The following IL1RAPL1 variants were observed in gnomAD, a reference collection of about 807,000 sequenced individuals.
The protein encoded by IL1RAPL1 is interleukin-1 receptor accessory protein-like 1.
A neutral mutation model predicts 48.4 loss-of-function variants in IL1RAPL1; 3 were observed. The ratio of observed to expected loss-of-function variants is 0.06; its 90% CI spans 0.03 to 0.16. The LOEUF (loss-of-function observed/expected upper bound fraction) is 0.16. IL1RAPL1 is among the 10% of genes least tolerant of loss of function. IL1RAPL1 has a pLI of 1.00. For missense variants in IL1RAPL1, 349 were observed against 530.6 expected (o/e 0.66, Z 3.36); for synonymous variants, 185 against 187.7 (o/e 0.99, Z 0.12).
chrX:29,361,134 C>A lies in IL1RAPL1; in HGVS notation c.363-35124C>A, dbSNP rs1209451703. 2.7e-5 allele frequency among the ~76,000 whole-genome samples: 3 copies of A among 111,759 alleles called. No individual in the cohort carries two copies. In the Admixed American group the frequency reaches 2.9e-4, roughly 11 times the overall value. ...AAACCTAGCCAACCACAGCTGACAT[C>A]CTCACTGAAGGTTAGCTGGTGTTGA... On this transcript the variant is annotated intron_variant, in intron 3 of 10. Transcript: ENST00000378993.
chrX:29,845,257 G>A (rs778588373), intron 6 of IL1RAPL1, among the ~76,000 whole-genome samples: 1 of 111,496 alleles, frequency 9.0e-6, no homozygotes, highest in South Asian at 3.8e-4. Flanking sequence ...AGTATAGGCA[G>A]AAGACACAAT....
At chrX:28,867,401 G>C (rs771381927) in intron 2 of IL1RAPL1, among the ~76,000 whole-genome samples, 2 of 111,869 alleles carry the variant, frequency 1.8e-5, no homozygotes, top group South Asian at 7.5e-4. Flanking sequence ...TATTGAGCCA[G>C]GCGGCAGAAG....
intron 6 of IL1RAPL1, among the ~76,000 whole-genome samples, chrX:29,841,570 G>A (rs1263901173): frequency 2.7e-5 from 3 of 111,585 alleles, no homozygotes; most frequent in Non-Finnish European, 5.6e-5. Flanking sequence ...CAACTATTTA[G>A]TTTATAGTCA....
intron 6 of IL1RAPL1, among the ~76,000 whole-genome samples, chrX:29,737,602 C>T (rs1002720700): frequency 3.6e-5 from 4 of 112,178 alleles, no homozygotes; most frequent in African/African-American, 1.3e-4. Flanking sequence ...TACACTTCTA[C>T]TTTGTTTTTA....
rs941391843 is a variant in IL1RAPL1 at position 29,229,398 on chromosome X, A to T, written c.83-53540A>T. On this transcript the variant is annotated intron_variant, in intron 2 of 10. Transcript: ENST00000378993. ...TGGTCTTAACCCATTCTGTATGATA[A>T]TTTTTAAAAAAAAAAAACTCTCTAA... 3.6e-5 allele frequency among the ~76,000 whole-genome samples: 4 copies of T among 110,488 alleles called. 1 individual carries two copies. The highest frequency in any genetic ancestry group is 1.3e-4 in the African/African-American group (4 of 30,139).
intron 5 of IL1RAPL1, among the ~76,000 whole-genome samples, chrX:29,490,783 A>G (rs1358748567): frequency 1.9e-5 from 2 of 106,392 alleles, no homozygotes; most frequent in Non-Finnish European, 3.8e-5. Flanking sequence ...ACACACACTC[A>G]TCGCTATGTA....
chrX:29,771,435 T>C (rs1256674737), intron 6 of IL1RAPL1, among the ~76,000 whole-genome samples: 1 of 112,181 alleles, frequency 8.9e-6, no homozygotes, highest in African/African-American at 3.2e-5. Flanking sequence ...GAATTTTTGG[T>C]AGGGCTTCTC....
chrX:29,179,721 AT>A (rs1162659713), intron 2 of IL1RAPL1, among the ~76,000 whole-genome samples: 1 of 111,285 alleles, frequency 9.0e-6, no homozygotes, highest in East Asian at 2.8e-4. Context: ...GTGACTTTTA[AT>A]TTTTTTGTAC....
At chrX:29,126,853 T>A (rs745697558) in intron 2 of IL1RAPL1, among the ~76,000 whole-genome samples, 3 of 112,096 alleles carry the variant, frequency 2.7e-5, no homozygotes, top group Non-Finnish European at 5.6e-5. Flanking sequence ...ATTTCTCACA[T>A]GAAATAGGCA....
At chrX:29,732,284 C>T (rs955640497) in intron 6 of IL1RAPL1, among the ~76,000 whole-genome samples, 2 of 111,668 alleles carry the variant, frequency 1.8e-5, no homozygotes, top group Non-Finnish European at 3.8e-5. Flanking sequence ...CTTCACTTGG[C>T]ACTGTACCCC....
intron 6 of IL1RAPL1, among the ~76,000 whole-genome samples, chrX:29,835,970 A>T: frequency 1.1e-5 from 1 of 90,945 alleles, no homozygotes; most frequent in African/African-American, 4.2e-5. Flanking sequence ...CATTTCATGG[A>T]TCTTTTGTAT....
intron 6 of IL1RAPL1, among the ~76,000 whole-genome samples, chrX:29,762,332 A>T (rs1431574612): frequency 8.9e-6 from 1 of 111,861 alleles, no homozygotes; most frequent in African/African-American, 3.2e-5. Flanking sequence ...TTGGTATTTT[A>T]TAAAAGGGAG....
intron 3 of IL1RAPL1, among the ~76,000 whole-genome samples, chrX:29,351,873 T>C: frequency 9.0e-6 from 1 of 111,609 alleles, no homozygotes; most frequent in East Asian, 2.8e-4. Context: ...CATTACCCAT[T>C]TGTCATAGCT....
chrX:28,742,758 T>C (rs1935925867), intron 1 of IL1RAPL1, among the ~76,000 whole-genome samples: 1 of 112,020 alleles, frequency 8.9e-6, no homozygotes, highest in South Asian at 3.7e-4. Context: ...CTTCTATAGA[T>C]GCCAAATCAC....
chrX:29,930,397 A>G (rs1246728944), intron 8 of IL1RAPL1, among the ~76,000 whole-genome samples: 1 of 111,834 alleles, frequency 8.9e-6, no homozygotes. Context: ...TCCATTCCAA[A>G]CTGTCCAGAA....
At chrX:29,527,662 C>G (rs1282667082) in intron 5 of IL1RAPL1, among the ~76,000 whole-genome samples, 1 of 110,384 alleles carries the variant, frequency 9.1e-6, no homozygotes, top group Non-Finnish European at 1.9e-5. Flanking sequence ...AATTCAAATG[C>G]CACAAATAAA....
chrX:29,314,046 C>T (rs1359848489), intron 3 of IL1RAPL1, among the ~76,000 whole-genome samples: 1 of 111,597 alleles, frequency 9.0e-6, no homozygotes, highest in Non-Finnish European at 1.9e-5. Context: ...ATAATTCATT[C>T]GCGATTGTGG....
chrX:29,158,597 G>A (rs753295044), intron 2 of IL1RAPL1, among the ~76,000 whole-genome samples: 109 of 110,586 alleles, frequency 9.9e-4, no homozygotes, highest in Non-Finnish European at 1.4e-3. Context: ...GGCTGGTCTC[G>A]AACTCCTGAC....
chrX:29,736,475 C>T (rs140680618), intron 6 of IL1RAPL1, among the ~76,000 whole-genome samples: 7 of 112,431 alleles, frequency 6.2e-5, no homozygotes, highest in Admixed American at 9.4e-5. Context: ...CCTGTAATCC[C>T]GGAACTCTGG....
Sources: gnomAD v4.1 joint callset for allele counts (sites outside exome capture counted in the v4.1 genomes callset) on GRCh38, gnomAD v4.1.1 for gene constraint, MANE v1.5 for transcripts, NCBI Gene and HGNC (gene_info 2026-07-23, HGNC 2026-07-21) for gene names.